BCAR1: variants seen among roughly 807,000 people sequenced by gnomAD.
BCAR1 encodes the protein breast cancer anti-estrogen resistance protein 1.
BCAR1 carries 30 observed loss-of-function variants against 67.6 expected under a neutral mutation model. The ratio of observed to expected loss-of-function variants is 0.44; its 90% CI spans 0.33 to 0.60. The LOEUF is 0.60. BCAR1 is among the 20% of genes least tolerant of loss of function. The pLI is 0.02. For synonymous variants in BCAR1, 626 were observed against 556.7 expected (o/e 1.12, Z -1.75); for missense variants, 1,313 against 1,222.3 (o/e 1.07, Z -1.11).
chr16:75,235,007 C>T lies in BCAR1; in HGVS notation c.1892G>A (p.Ser631Asn), dbSNP rs1425735144. 1.2e-6 allele frequency: 2 copies of T among 1,612,724 alleles called. No individual in the cohort carries two copies. Among genetic ancestry groups the T allele is most frequent in the Non-Finnish European group, 1.7e-6 (2 of 1,179,452 alleles). The change falls in exon 5 of 7, where the codon AGC (serine) becomes AAC (asparagine). Residue 631 changes from serine (S) to asparagine (N), a missense_variant. This residue lies in a region of BCAR1 where 1,272 missense variants were observed against 1,137.5 expected (regional missense o/e 1.12). Transcript: ENST00000162330. The stretch of plus-strand genomic sequence containing the variant: ...TGAGGGCAGGGGTCGTGACTGGATG[C>T]TGCTGGTCTTGTCAGTGGGGTTGGG... ...LHPNPTDKTS[S>N]IQSRPLPSPP...
intron 6 of BCAR1, among the ~76,000 whole-genome samples, chr16:75,230,969 G>C (rs1471617981): frequency 6.6e-6 from 1 of 152,012 alleles, no homozygotes; most frequent in Non-Finnish European, 1.5e-5. Flanking sequence ...TGAATCACTT[G>C]AGTCTGGGAA....
chr16:75,254,932 T>A (rs760733884), upstream of BCAR1, among the ~76,000 whole-genome samples: 5 of 152,182 alleles, frequency 3.3e-5, no homozygotes, highest in Admixed American at 2.0e-4. Flanking sequence ...TTCCTGCTCT[T>A]TGGGCTTTCT....
chr16:75,261,604 G>A (rs2077909229), intron 1 of BCAR1, among the ~76,000 whole-genome samples: 1 of 152,266 alleles, frequency 6.6e-6, no homozygotes, highest in Admixed American at 6.5e-5. Flanking sequence ...ATGCGATGGG[G>A]CCAGCTGGTT....
At chr16:75,240,837 C>G (rs1267495891) in intron 2 of BCAR1, among the ~76,000 whole-genome samples, 1 of 152,224 alleles carries the variant, frequency 6.6e-6, no homozygotes, top group East Asian at 1.9e-4. Context: ...CAGAGAAGGA[C>G]CCAGCTGGCT....
At chr16:75,232,692 G>A (rs2076942354) in intron 6 of BCAR1, among the ~76,000 whole-genome samples, 1 of 152,132 alleles carries the variant, frequency 6.6e-6, no homozygotes, top group Non-Finnish European at 1.5e-5. Context: ...CCCACCCCCT[G>A]CCACCCTGCC....
At position 75,243,503 on chromosome 16, in the gene BCAR1, C is replaced by G. The variant is rs369943399; in HGVS notation, c.13-413G>C. On this transcript the variant is annotated intron_variant, in intron 1 of 6. Coordinates refer to ENST00000162330, the MANE Select transcript of BCAR1 (RefSeq NM_014567.5). Reference sequence around the variant, plus strand: ...CTCTCTCGAGGTGCACGAAAATAATCTGACAAAAAGAACAGCTTCTTAGGA... The same window carrying G: ...CTCTCTCGAGGTGCACGAAAATAATGTGACAAAAAGAACAGCTTCTTAGGA... The G allele has an allele frequency of 9.5e-5, 50 of 526,472 alleles. 2 individuals carry two copies. The Middle Eastern group carries it at 2.8e-3, about 30-fold the overall frequency. The allele number at this position is 526,472 out of a possible 1,614,324, so 32.6% of individuals were successfully genotyped here.
chr16:75,244,300 A>G (rs1328155033), intron 1 of BCAR1, among the ~76,000 whole-genome samples: 1 of 152,250 alleles, frequency 6.6e-6, no homozygotes, highest in Non-Finnish European at 1.5e-5. Flanking sequence ...CTTGGGCCCA[A>G]GTCCCACTTT....
In BCAR1 at chr16:75,229,942, G is replaced by T. The variant is rs754028055; in HGVS notation, c.2182C>A (p.Leu728Met). Residue 728 changes from leucine to methionine, a missense_variant, in exon 7 of 7, where the codon CTG (leucine) becomes ATG (methionine). Around this residue, in one of 2 missense-constraint regions of BCAR1, gnomAD observed 1,272 missense variants for 1,137.5 expected, o/e 1.12. Transcript: ENST00000162330. ...AGGCCGCCTGTTCGCCCCGGGGCCA[G>T]GGGTTGGGCTGGCGTCCAGTTGGCC... ...DLANWTPAQP[L>M]APGRTGGLGP... is the part of the protein sequence containing the mutation. 8.7e-6 allele frequency: 14 copies of T among 1,602,486 alleles called. No individual in the cohort carries two copies. The highest frequency in any genetic ancestry group is 1.2e-5 in the Non-Finnish European group (14 of 1,172,226).
upstream of BCAR1, chr16:75,251,722 A>C (rs2077685427): frequency 1.6e-5 from 16 of 981,762 alleles, no homozygotes; most frequent in Non-Finnish European, 1.9e-5. Flanking sequence ...CTCCATGCAA[A>C]TAAGCCGCCT....
At chr16:75,266,838 C>T in intron 1 of BCAR1, 4 of 1,273,310 alleles carry the variant, frequency 3.1e-6, no homozygotes, top group Non-Finnish European at 4.0e-6. Context: ...CTGCCCACCC[C>T]AGGGAGGAAA....
At chr16:75,265,844 G>A (rs1481121954) in intron 1 of BCAR1, 5 of 1,176,474 alleles carry the variant, frequency 4.2e-6, no homozygotes, top group Non-Finnish European at 5.2e-6. Flanking sequence ...CATCTTGGCC[G>A]CCGCCCCCGG....
Position 75,235,714 on chromosome 16 carries a change from A to C in BCAR1, c.1185T>G (p.Leu395=). ...CGCCACCATCAGCCACCTCAGGAGG[A>C]AGCACCCGTTCACGGGGCACATCGT... The part of the protein sequence containing the change: ...TLYDVPRERV[L]PPEVADGGVV... Residue 395 remains leucine (L), a synonymous_variant, in exon 5 of 7, where the codon CTT becomes CTG. Transcript: ENST00000162330. The C allele has an allele frequency of 1.9e-6, 3 of 1,609,698 alleles. No individual in the cohort carries two copies. The highest frequency in any genetic ancestry group is 2.5e-6 in the Non-Finnish European group (3 of 1,177,934).
intron 1 of BCAR1, 99 bp from the exon 2 acceptor site, chr16:75,243,189 A>G: frequency 1.1e-5 from 14 of 1,271,548 alleles, no homozygotes; most frequent in African/African-American, 1.5e-5. Flanking sequence ...CCCAGCTTTG[A>G]TACTAGGAAA....
rs2077677326 is a variant in BCAR1 at position 75,251,463 on chromosome 16, G to A, written c.12+8C>T. The A allele has an allele frequency of 2.8e-6, 4 of 1,451,438 alleles. No individual in the cohort carries two copies. Among genetic ancestry groups the A allele is most frequent in the Admixed American group, 2.5e-5 (1 of 39,672 alleles). 89.9% of individuals were successfully genotyped at this position (1,451,438 alleles called of 1,614,324 possible). On this transcript the variant is annotated splice_region_variant and intron_variant, in intron 1 of 6. Coordinates refer to ENST00000162330, the MANE Select transcript of BCAR1 (RefSeq NM_014567.5). ...CGTACGCGGCCCGGCCCCACCTGGC[G>A]CCCTCACCAGGTGGTTCATGGTGTC...
chr16:75,246,026 C>T (rs755767308), intron 1 of BCAR1: 23 of 124,354 alleles, frequency 1.8e-4, no homozygotes, highest in African/African-American at 6.2e-4. Flanking sequence ...CCCAGTAGCG[C>T]GATCATGGCT....
chr16:75,248,554 T>A (rs977400599), intron 1 of BCAR1: 8 of 192,580 alleles, frequency 4.2e-5, no homozygotes, highest in Admixed American at 1.6e-4. Context: ...CATGTCCCCA[T>A]CCTGGGTGGA....
intron 2 of BCAR1, chr16:75,238,865 GC>G (rs2077236141): frequency 3.0e-6 from 3 of 985,280 alleles, no homozygotes. Flanking sequence ...ACGGCCTGAG[GC>G]TTCTCCAGGC....
intron 1 of BCAR1, chr16:75,248,001 A>T: frequency 9.2e-7 from 1 of 1,084,892 alleles, no homozygotes; most frequent in Non-Finnish European, 1.4e-6. Context: ...GCTCTTTCCC[A>T]CACAGCCACC....
intron 1 of BCAR1, chr16:75,263,838 C>G: frequency 2.0e-6 from 2 of 990,908 alleles, no homozygotes; most frequent in Admixed American, 6.1e-5. Flanking sequence ...TCCGCAGGGC[C>G]TCCTCAGCAC....
Sources: gnomAD v4.1 joint callset for allele counts (sites outside exome capture counted in the v4.1 genomes callset) on GRCh38, gnomAD v4.1.1 for gene constraint, gnomAD v4.1.1 regional missense constraint, MANE v1.5 for transcripts, NCBI Gene and HGNC (gene_info 2026-07-23, HGNC 2026-07-21) for gene names.